ARHGAP23: variants seen among roughly 807,000 people sequenced by gnomAD.
ARHGAP23 encodes the protein rho GTPase-activating protein 23.
Under a neutral mutation model 136.3 loss-of-function variants are expected in ARHGAP23, and 34 were observed. The observed-to-expected ratio is 0.25, with a 90% CI of 0.19 to 0.33. ARHGAP23 has a LOEUF of 0.33. Ranked by LOEUF, ARHGAP23 falls within the 10% of genes least tolerant of loss-of-function variation. ARHGAP23 has a pLI of 1.00. For missense variants in ARHGAP23, 1,808 were observed against 2,139.0 expected (o/e 0.85, Z 3.05); for synonymous variants, 832 against 920.5 (o/e 0.90, Z 1.74).
At chr17:38,427,982 G>C (rs2038594595), upstream of ARHGAP23, among the ~76,000 whole-genome samples, 3 of 152,158 alleles carry the variant, frequency 2.0e-5, no homozygotes, top group South Asian at 6.2e-4. Context: ...GACTTTCTCT[G>C]CCTCTCTCTG....
chr17:38,494,782 G>T (rs570682502), intron 20 of ARHGAP23, among the ~76,000 whole-genome samples: 162 of 152,304 alleles, frequency 1.1e-3, no homozygotes, highest in African/African-American at 3.6e-3. Flanking sequence ...ACTTAGCCAG[G>T]CAGAGCAGGG....
chr17:38,478,092 C>T lies in ARHGAP23; in HGVS notation c.2436+196C>T, dbSNP rs62074687. On this transcript the variant is annotated intron_variant, in intron 12 of 23. Coordinates refer to ENST00000622683, the MANE Select transcript of ARHGAP23 (RefSeq NM_001199417.2). ...CAGGCAGGGCTCACGGGGGACCTGG[C>T]GTCCTCAGGTGCGGGGACCGGCAGT... 2.8e-3 allele frequency among the ~76,000 whole-genome samples: 428 copies of T among 152,304 alleles called. 1 individual carries two copies. Among genetic ancestry groups the T allele is most frequent in the Non-Finnish European group, 4.8e-3 (324 of 68,020 alleles).
At chr17:38,460,428 AC>A (rs2039431137) in intron 2 of ARHGAP23, among the ~76,000 whole-genome samples, 1 of 151,624 alleles carries the variant, frequency 6.6e-6, no homozygotes, top group South Asian at 2.1e-4. Context: ...GCGTCTGCAC[AC>A]CCCGCCTCCC....
intron 20 of ARHGAP23, among the ~76,000 whole-genome samples, chr17:38,495,109 G>T (rs1412026260): frequency 6.6e-6 from 1 of 152,188 alleles, no homozygotes; most frequent in African/African-American, 2.4e-5. Flanking sequence ...GGCCTAGAAG[G>T]AGGTACTCAC....
chr17:38,454,827 C>T (rs1299141409), intron 1 of ARHGAP23, among the ~76,000 whole-genome samples: 4 of 152,244 alleles, frequency 2.6e-5, no homozygotes, highest in Non-Finnish European at 1.5e-5. Context: ...CTGGTGCTGC[C>T]AACCCACCAC....
chr17:38,477,967 A>G lies in ARHGAP23; in HGVS notation c.2436+71A>G. On this transcript the variant is annotated intron_variant, in intron 12 of 23. Coordinates refer to ENST00000622683, the MANE Select transcript of ARHGAP23 (RefSeq NM_001199417.2). This position sits in a 1 kb window ranked among gnomAD's most constrained non-coding sequence, Gnocchi z 6.6. ...GCCTCTCACCGGCTGTGGACCTGGG[A>G]TGCCCGCTCTGAGCCTCACTTCCCT... 1 of 1,495,644 alleles carries G rather than the reference A, an allele frequency of 6.7e-7. No individual in the cohort carries two copies. The highest frequency in any genetic ancestry group is 9.1e-7 in the Non-Finnish European group (1 of 1,100,368). The allele number at this position is 1,495,644 out of a possible 1,614,324, so 92.6% of individuals were successfully genotyped here.
intron 1 of ARHGAP23, among the ~76,000 whole-genome samples, chr17:38,438,468 C>T (rs2038852822): frequency 1.3e-5 from 2 of 152,046 alleles, no homozygotes; most frequent in African/African-American, 2.4e-5. Context: ...TTGATGAATA[C>T]AAGGCCCAGA....
At chr17:38,450,833 G>A (rs2039144859) in intron 1 of ARHGAP23, 1 of 152,272 alleles carries the variant, frequency 6.6e-6, no homozygotes, top group African/African-American at 2.4e-5. Context: ...CTTGGAAGGA[G>A]GGAAGACTGG....
chr17:38,466,610 C>A lies in ARHGAP23; in HGVS notation c.927C>A (p.Ala309=), dbSNP rs1178145551. Residue 309 remains alanine, a synonymous_variant, in exon 7 of 24, where the codon GCC becomes GCA. Coordinates refer to ENST00000622683, the MANE Select transcript of ARHGAP23 (RefSeq NM_001199417.2). ...RAGERRCPAM[A]PRARSASQDR... Reference sequence around the variant, plus strand: ...GGGAGAGACGGTGCCCAGCCATGGCCCCCCGGGCCCGCAGCGCCTCCCAGG... The same window carrying A: ...GGGAGAGACGGTGCCCAGCCATGGCACCCCGGGCCCGCAGCGCCTCCCAGG... The A allele has an allele frequency of 2.0e-6, 3 of 1,512,634 alleles. No individual in the cohort carries two copies. Among genetic ancestry groups the A allele is most frequent in the Non-Finnish European group, 2.6e-6 (3 of 1,135,602 alleles). The allele number at this position is 1,512,634 out of a possible 1,614,324, so 93.7% of individuals were successfully genotyped here. A position where few individuals can be genotyped will look rare whatever the true frequency, so the allele number is the denominator to read the frequency against.
intron 6 of ARHGAP23, among the ~76,000 whole-genome samples, chr17:38,464,592 G>A (rs570724678): frequency 6.6e-6 from 1 of 152,216 alleles, no homozygotes; most frequent in Non-Finnish European, 1.5e-5. Context: ...GAGGAAGGAG[G>A]GGGGGATCTG....
In ARHGAP23 at chr17:38,509,949, G is replaced by A. The variant is rs944044524; in HGVS notation, c.3453G>A (p.Ser1151=). 2 of 1,249,844 alleles carry A rather than the reference G, an allele frequency of 1.6e-6. No individual in the cohort carries two copies. The highest frequency in any genetic ancestry group is 2.0e-6 in the Non-Finnish European group (2 of 991,164). 77.4% of individuals were successfully genotyped at this position (1,249,844 alleles called of 1,614,324 possible). The change falls in exon 24 of 24, where the codon TCG becomes TCA. Residue 1151 remains serine (S), a synonymous_variant. Transcript: ENST00000622683. The part of the protein sequence containing the change: ...TTCSSAKSKG[S]WAPKKEPYAR... ...CTGACCTGTCTCCCACACAGGGTTC[G>A]TGGGCCCCCAAGAAGGAGCCGTACG...
chr17:38,463,418 T>C (rs1175225627), intron 6 of ARHGAP23, 36 bp downstream of exon 6: 6 of 1,550,604 alleles, frequency 3.9e-6, no homozygotes, highest in Non-Finnish European at 5.2e-6. Context: ...AGGAGACCCC[T>C]GAGCCCTGGG....
rs552987522 is a variant in ARHGAP23, at chr17:38,490,698, C to A, written c.3150+147C>A. On this transcript the variant is annotated intron_variant, in intron 19 of 23. Coordinates refer to ENST00000622683, the MANE Select transcript of ARHGAP23 (RefSeq NM_001199417.2). Reference sequence around the variant, plus strand: ...TCCTATGACTGCTCCGTCCCCACCCCGCTCCTACATGCTGGTCAGTGCTTT... The same window carrying A: ...TCCTATGACTGCTCCGTCCCCACCCAGCTCCTACATGCTGGTCAGTGCTTT... 8 of 694,856 alleles carry A rather than the reference C, an allele frequency of 1.2e-5. No individual in the cohort carries two copies. The East Asian group carries it at 1.9e-4, about 16-fold the overall frequency. The allele number at this position is 694,856 out of a possible 1,614,324, so 43.0% of individuals were successfully genotyped here.
chr17:38,465,847 G>T (rs530506209), intron 6 of ARHGAP23, among the ~76,000 whole-genome samples: 126 of 152,238 alleles, frequency 8.3e-4, no homozygotes, highest in African/African-American at 2.5e-3. Context: ...GCAGGCAGGC[G>T]GTGGAGGCCA....
Position 38,510,249 on chromosome 17 carries a change from C to A in ARHGAP23, c.3753C>A (p.Ser1251=). The part of the protein sequence containing the change: ...ADTRSIVSGY[S]TLSTMDRSVC... ...CGCGCTCCATTGTGTCGGGCTACTC[C>A]ACCCTGTCCACCATGGACCGCAGCG... The change falls in exon 24 of 24, where the codon TCC becomes TCA. Residue 1251 remains serine, a synonymous_variant. Coordinates refer to ENST00000622683, the MANE Select transcript of ARHGAP23 (RefSeq NM_001199417.2). This position sits in a 1 kb window ranked among gnomAD's most constrained non-coding sequence, Gnocchi z 4.6. 1 of 1,364,092 alleles carries A rather than the reference C, an allele frequency of 7.3e-7. No individual in the cohort carries two copies. The highest frequency in any genetic ancestry group is 1.8e-5 in the South Asian group (1 of 54,332). 84.5% of individuals were successfully genotyped at this position (1,364,092 alleles called of 1,614,324 possible).
chr17:38,439,396 G>A (rs377450650), intron 1 of ARHGAP23, among the ~76,000 whole-genome samples: 3 of 152,160 alleles, frequency 2.0e-5, no homozygotes, highest in Non-Finnish European at 4.4e-5. Flanking sequence ...CTTGTGCCCC[G>A]TGAGGGTAGG....
intron 1 of ARHGAP23, among the ~76,000 whole-genome samples, chr17:38,419,719 C>A (rs547711282): frequency 1.3e-5 from 2 of 152,298 alleles, no homozygotes; most frequent in South Asian, 4.1e-4. Flanking sequence ...CCCCCATCCC[C>A]ACTTGGTAAG....
chr17:38,469,262 C>G lies in ARHGAP23; in HGVS notation c.1767C>G (p.Phe589Leu). 1.3e-6 allele frequency: 2 copies of G among 1,551,598 alleles called. No individual in the cohort carries two copies. Among genetic ancestry groups the G allele is most frequent in the East Asian group, 2.4e-5 (1 of 40,918 alleles). ...VLGTSPSSPT[F>L]TFTLGRHYSQ... The stretch of plus-strand genomic sequence containing the variant: ...GCACCAGCCCATCTTCCCCGACCTT[C>G]ACTTTCACCCTCGGACGCCATTACT... Residue 589 changes from phenylalanine to leucine, a missense_variant, in exon 8 of 24, where the codon TTC (phenylalanine) becomes TTG (leucine). Transcript: ENST00000622683.
intron 14 of ARHGAP23, among the ~76,000 whole-genome samples, chr17:38,481,457 T>G (rs2040041169): frequency 6.6e-6 from 1 of 152,234 alleles, no homozygotes; most frequent in Admixed American, 6.5e-5. Flanking sequence ...CACGCCCGGC[T>G]AATTTTTGTA....
Sources: allele counts gnomAD v4.1 joint callset (sites outside exome capture counted in the v4.1 genomes callset), GRCh38; gene constraint gnomAD v4.1.1; non-coding constraint Gnocchi (gnomAD v3.1); transcripts MANE v1.5; gene names NCBI Gene and HGNC (gene_info 2026-07-23, HGNC 2026-07-21).